Variants in FSCB observed in about 807,000 individuals in gnomAD.
FSCB encodes fibrous sheath CABYR-binding protein.
For synonymous variants in FSCB, 331 were observed against 336.6 expected (o/e 0.98, Z 0.18); for missense variants, 975 against 934.8 (o/e 1.04, Z -0.56).
rs371195692 is a variant in FSCB, at chr14:44,504,465, T to C, written c.*45A>G. Reference sequence around the variant, plus strand: ...CCCACCCTTTTCTAAAGTATGTTCTTCCAAAACCATGTAGCTTCTGATTGC... The same window carrying C: ...CCCACCCTTTTCTAAAGTATGTTCTCCCAAAACCATGTAGCTTCTGATTGC... On this transcript the variant is annotated 3_prime_UTR_variant, in exon 1 of 1. Transcript: ENST00000340446. 43 of 1,467,972 alleles carry C rather than the reference T, an allele frequency of 2.9e-5. No individual in the cohort carries two copies. Among genetic ancestry groups the C allele is most frequent in the East Asian group, 2.1e-4 (9 of 43,858 alleles). 90.9% of individuals were successfully genotyped at this position (1,467,972 alleles called of 1,614,324 possible).
chr14:44,505,696 T>C lies in FSCB; in HGVS notation c.1292A>G (p.Glu431Gly). 2.5e-6 allele frequency: 4 copies of C among 1,613,640 alleles called. No individual in the cohort carries two copies. The highest frequency in any genetic ancestry group is 3.4e-6 in the Non-Finnish European group (4 of 1,179,930). ...LADVQPLLPE[E>G]APREEARELQ... ...TTCTCGAGCCTCTTCTCTAGGAGCC[T>C]CTTCAGGTAATAGAGGCTGAACATC... The change falls in exon 1 of 1, where the codon GAG (glutamate) becomes GGG (glycine). Residue 431 changes from glutamate (E) to glycine (G), a missense_variant. Transcript: ENST00000340446.
chr14:44,504,820 A>C lies in FSCB; in HGVS notation c.2168T>G (p.Leu723Trp), dbSNP rs954048000. 6.2e-7 allele frequency: 1 copy of C among 1,614,068 alleles called. No individual in the cohort carries two copies. The highest frequency in any genetic ancestry group is 8.5e-7 in the Non-Finnish European group (1 of 1,180,012). Reference sequence around the variant, plus strand: ...TATAGGAAACTCCTCAGTCAGAAGCAAATCAGCTGGTGGGGAATGTTTGTC... The same window carrying C: ...TATAGGAAACTCCTCAGTCAGAAGCCAATCAGCTGGTGGGGAATGTTTGTC... ...SVDKHSPPAD[L>W]LLTEEFPIGE... The change falls in exon 1 of 1, where the codon TTG (leucine) becomes TGG (tryptophan). Residue 723 changes from leucine (L) to tryptophan (W), a missense_variant. Transcript: ENST00000340446.
rs1198088312 is a variant in FSCB, at chr14:44,506,374, T to C, written c.614A>G (p.Asn205Ser). 8 of 1,614,072 alleles carry C rather than the reference T, an allele frequency of 5.0e-6. No individual in the cohort carries two copies. Among genetic ancestry groups the C allele is most frequent in the South Asian group, 2.2e-5 (2 of 91,076 alleles). The part of the protein sequence containing the change: ...HPEFQPATNS[N>S]EEIGQKNISR... ...GATATTTTTCTGCCCAATTTCTTCATTGCTGTTTGTTGCTGGTTGAAATTC... is the reference window on the plus strand; with the variant it reads ...GATATTTTTCTGCCCAATTTCTTCACTGCTGTTTGTTGCTGGTTGAAATTC... The change falls in exon 1 of 1, where the codon AAT becomes AGT. Residue 205 changes from asparagine to serine, a missense_variant. Transcript: ENST00000340446.
rs1205100705 is a variant in FSCB, at chr14:44,505,741, G to T, written c.1247C>A (p.Thr416Asn). 1.2e-6 allele frequency: 2 copies of T among 1,613,554 alleles called. No individual in the cohort carries two copies. Among genetic ancestry groups the T allele is most frequent in the African/African-American group, 2.7e-5 (2 of 74,888 alleles). The change falls in exon 1 of 1, where the codon ACT becomes AAT. Residue 416 changes from threonine to asparagine, a missense_variant. Transcript: ENST00000340446. ...EEAPAKVEPP[T>N]VEETLADVQP... ...AACATCAGCAAGGGTCTCTTCAACA[G>T]TGGGAGGCTCTACTTTAGCTGGGGC...
In FSCB at chr14:44,506,760, G is replaced by T. The variant is rs753738083; in HGVS notation, c.228C>A (p.Asp76Glu). Residue 76 changes from aspartate to glutamate, a missense_variant, in exon 1 of 1, where the codon GAC (aspartate) becomes GAA (glutamate). Asp to Glu is a conservative substitution (Grantham distance 45). Coordinates refer to ENST00000340446, the MANE Select transcript of FSCB (RefSeq NM_032135.4). Reference protein sequence around the residue: ...QEMTSKSLQTDTIVEEKKEVK... With the variant: ...QEMTSKSLQTETIVEEKKEVK... The stretch of plus-strand genomic sequence containing the variant: ...CTTCTTTTTTCTCTTCTACAATGGT[G>T]TCTGTCTGGAGAGACTTACTAGTCA... 1 of 1,614,070 alleles carries T rather than the reference G, an allele frequency of 6.2e-7. No individual in the cohort carries two copies.
At chr14:44,506,268 TAC>T in the FSCB span, 4 of 1,614,174 alleles carry the variant, frequency 2.5e-6, no homozygotes, top group Non-Finnish European at 3.4e-6. Flanking sequence ...GTACAACAGG[TAC>T]AGTTACTTCT....
chr14:44,504,890 G>A lies in FSCB; in HGVS notation c.2098C>T (p.His700Tyr). The A allele has an allele frequency of 6.2e-7, 1 of 1,614,134 alleles. No individual in the cohort carries two copies. The highest frequency in any genetic ancestry group is 8.5e-7 in the Non-Finnish European group (1 of 1,180,024). The change falls in exon 1 of 1, where the codon CAC becomes TAC. Residue 700 changes from histidine (H) to tyrosine (Y), a missense_variant. Coordinates refer to ENST00000340446, the MANE Select transcript of FSCB (RefSeq NM_032135.4). Reference protein sequence around the residue: ...TPIEETLAAVHSPPADDVPAE... With the variant: ...TPIEETLAAVYSPPADDVPAE... ...GGGACATCATCAGCTGGGGGAGAGT[G>A]TACTGCAGCAAGGGTCTCTTCTATA...
At position 44,505,563 on chromosome 14, in the gene FSCB, C is replaced by G. The variant is rs759719884; in HGVS notation, c.1425G>C (p.Gln475His). Residue 475 changes from glutamine (Q) to histidine (H), a missense_variant, in exon 1 of 1, where the codon CAG (glutamine) becomes CAC (histidine). Physicochemically the swap from Gln to His is conservative, Grantham distance 24 (BLOSUM62 0). Transcript: ENST00000340446. ...TTAEEASAEI[Q>H]LLAATEPPAD... ...CAGGAGGCTCCGTAGCTGCTAGAAG[C>G]TGAATTTCAGCAGAGGCCTCTTCTG... The G allele has an allele frequency of 7.4e-6, 12 of 1,612,566 alleles. No homozygotes were observed. In the South Asian group the frequency reaches 1.3e-4, roughly 18 times the overall value.
Position 44,505,916 on chromosome 14 carries a change from A to T in FSCB, c.1072T>A (p.Ser358Thr). Residue 358 changes from serine to threonine, a missense_variant, in exon 1 of 1, where the codon TCC becomes ACC. By Grantham distance (58) the Ser-to-Thr change is moderately conservative. Transcript: ENST00000340446. ...AEILPPSAEE[S>T]PSEEPPAEIL... The stretch of plus-strand genomic sequence containing the variant: ...TCAGCAGGAGGCTCTTCTGAAGGGG[A>T]CTCTTCAGCTGATGGAGGCAGAATT... The T allele has an allele frequency of 6.2e-7, 1 of 1,612,642 alleles. No homozygotes were observed.
In FSCB at chr14:44,504,525, A is replaced by G; in HGVS notation, c.2463T>C (p.Arg821=). Residue 821 remains arginine (R), a synonymous_variant, in exon 1 of 1, where the codon CGT becomes CGC. Coordinates refer to ENST00000340446, the MANE Select transcript of FSCB (RefSeq NM_032135.4). ...TACAACCTGACTACAGTTCAGGAGG[A>G]CGTTGTTTTAATTCTATATGAAAAA... ...ESVFHIELKQ[R]PPEL 1.2e-6 allele frequency: 2 copies of G among 1,607,968 alleles called. No homozygotes were observed. Among genetic ancestry groups the G allele is most frequent in the Non-Finnish European group, 1.7e-6 (2 of 1,176,544 alleles).
chr14:44,504,732 C>A lies in FSCB; in HGVS notation c.2256G>T (p.Leu752=), dbSNP rs968905490. 1.2e-6 allele frequency: 2 copies of A among 1,614,160 alleles called. No homozygotes were observed. The highest frequency in any genetic ancestry group is 4.5e-5 in the East Asian group (2 of 44,878). Residue 752 remains leucine, a synonymous_variant, in exon 1 of 1, where the codon CTG becomes CTT. Transcript: ENST00000340446. ...GAAATTCTGTAGACACATTCTCTAC[C>A]AGAGCCTCATCTTCAGGGGTTTGTT... The part of the protein sequence containing the change: ...PSEQTPEDEA[L]VENVSTEFQS...
chr14:44,505,941 T>C lies in FSCB; in HGVS notation c.1047A>G (p.Glu349=), dbSNP rs369475951. 11 of 1,613,038 alleles carry C rather than the reference T, an allele frequency of 6.8e-6. No homozygotes were observed. In the African/African-American group the frequency reaches 1.5e-4, roughly 22 times the overall value. ...ACTCTTCAGCTGATGGAGGCAGAAT[T>C]TCAGCCAGAAGCTCTACAGAAGGAG... ...EESPSVELLA[E]ILPPSAEESP... is the part of the protein sequence containing the mutation. The change falls in exon 1 of 1, where the codon GAA becomes GAG. Residue 349 remains glutamate (E), a synonymous_variant. Coordinates refer to ENST00000340446, the MANE Select transcript of FSCB (RefSeq NM_032135.4).
chr14:44,505,538 C>CAGG lies in FSCB; in HGVS notation c.1447_1449dup (p.Pro483dup), dbSNP rs1881051631. 1 of 1,612,212 alleles carries CAGG rather than the reference C, an allele frequency of 6.2e-7. No individual in the cohort carries two copies. The highest frequency in any genetic ancestry group is 1.3e-5 in the African/African-American group (1 of 74,808). ...CGAGCTTCGGCAGGAGTTTCATCTG[C>CAGG]AGGAGGCTCCGTAGCTGCTAGAAGC... is the stretch of plus-strand genomic sequence containing the variant. On this transcript the variant is annotated inframe_insertion, in exon 1 of 1. Coordinates refer to ENST00000340446, the MANE Select transcript of FSCB (RefSeq NM_032135.4).
In FSCB at chr14:44,506,917, C is replaced by T; in HGVS notation, c.71G>A (p.Ser24Asn). ...KKHMAIPKSSSPKATHRIGNT... is the reference protein window; with the variant it reads ...KKHMAIPKSSNPKATHRIGNT... ...ACCAATACGATGGGTAGCTTTGGGGCTAGATGATTTTGGTATGGCCATGTG... is the reference window on the plus strand; with the variant it reads ...ACCAATACGATGGGTAGCTTTGGGGTTAGATGATTTTGGTATGGCCATGTG... The change falls in exon 1 of 1, where the codon AGC becomes AAC. Residue 24 changes from serine to asparagine, a missense_variant. Physicochemically the swap from Ser to Asn is conservative, Grantham distance 46. Transcript: ENST00000340446. The T allele has an allele frequency of 6.2e-7, 1 of 1,610,674 alleles. No individual in the cohort carries two copies. Among genetic ancestry groups the T allele is most frequent in the Non-Finnish European group, 8.5e-7 (1 of 1,177,406 alleles).
chr14:44,505,652 T>C lies in FSCB; in HGVS notation c.1336A>G (p.Met446Val), dbSNP rs1186025750. 1.2e-6 allele frequency: 2 copies of C among 1,613,528 alleles called. No homozygotes were observed. Among genetic ancestry groups the C allele is most frequent in the South Asian group, 1.1e-5 (1 of 91,030 alleles). The change falls in exon 1 of 1, where the codon ATG (methionine) becomes GTG (valine). Residue 446 changes from methionine to valine, a missense_variant. Met to Val is a conservative substitution (Grantham distance 21, BLOSUM62 1). Coordinates refer to ENST00000340446, the MANE Select transcript of FSCB (RefSeq NM_032135.4). ...GGAGCCTCTTCTGCAGGGGTCTCCA[T>C]AGCTGTTGAAAGCTGAAGTTCTCGA... ...EARELQLSTA[M>V]ETPAEEAPTE... is the part of the protein sequence containing the mutation.
In FSCB at chr14:44,507,014, G is replaced by A. The variant is rs779123363; in HGVS notation, c.-27C>T. On this transcript the variant is annotated 5_prime_UTR_variant, in exon 1 of 1. It introduces an in-frame stop codon into an upstream open reading frame of the 5' UTR. Transcript: ENST00000340446. The stretch of plus-strand genomic sequence containing the variant: ...GGTTTGCTGGGTCATCTTCTCTTTC[G>A]AATTTCTTGCCTACACGCTGAGATA... 3.1e-5 allele frequency: 47 copies of A among 1,524,244 alleles called. No homozygotes were observed. The South Asian group carries it at 4.6e-4, about 15-fold the overall frequency. The allele number at this position is 1,524,244 out of a possible 1,614,324, so 94.4% of individuals were successfully genotyped here. A position where few individuals can be genotyped will look rare whatever the true frequency, so the allele number is the denominator to read the frequency against.
Position 44,505,155 on chromosome 14 carries a change from C to A in FSCB, c.1833G>T (p.Gln611His). ...ASAEEAPAEV[Q>H]PPPAEEAPAE... is the part of the protein sequence containing the mutation. ...CGGGGGCCTCCTCAGCTGGTGGAGG[C>A]TGAACTTCAGCAGGAGCCTCTTCTG... The change falls in exon 1 of 1, where the codon CAG becomes CAT. Residue 611 changes from glutamine to histidine, a missense_variant. Transcript: ENST00000340446. 6.2e-7 allele frequency: 1 copy of A among 1,610,658 alleles called. No individual in the cohort carries two copies. Among genetic ancestry groups the A allele is most frequent in the East Asian group, 2.2e-5 (1 of 44,784 alleles).
rs1310141410 is a variant in FSCB, at chr14:44,504,660, A to C, written c.2328T>G (p.Val776=). 6.2e-7 allele frequency: 1 copy of C among 1,614,080 alleles called. No individual in the cohort carries two copies. Among genetic ancestry groups the C allele is most frequent in the African/African-American group, 1.3e-5 (1 of 74,944 alleles). Residue 776 remains valine (V), a synonymous_variant, in exon 1 of 1, where the codon GTT becomes GTG. Transcript: ENST00000340446. ...CAAATTTTGCTTCACCTTCCAAAAC[A>C]ACCGATCCTAATTTTACTGCTGGAA... ...AGIPAVKLGS[V]VLEGEAKFEE...
At position 44,504,589 on chromosome 14, in the gene FSCB, G is replaced by C; in HGVS notation, c.2399C>G (p.Thr800Ser). The change falls in exon 1 of 1, where the codon ACC becomes AGC. Residue 800 changes from threonine (T) to serine (S), a missense_variant. By Grantham distance (58) the Thr-to-Ser change is moderately conservative. Transcript: ENST00000340446. ...INSVLKDLSN[T>S]NDGQAPTLEI... is the part of the protein sequence containing the mutation. ...AAGAGTGGGAGCCTGTCCATCATTG[G>C]TATTAGACAAATCTTTAAGGACAGA... 1.2e-6 allele frequency: 2 copies of C among 1,614,020 alleles called. No individual in the cohort carries two copies. The highest frequency in any genetic ancestry group is 1.6e-4 in the Middle Eastern group (1 of 6,062).
Sources: gnomAD v4.1 joint callset for allele counts on GRCh38, gnomAD v4.1.1 for gene constraint, MANE v1.5 for transcripts, NCBI Gene and HGNC (gene_info 2026-07-23, HGNC 2026-07-21) for gene names.